TSBP1: variants seen among roughly 807,000 people sequenced by gnomAD.
The protein encoded by TSBP1 is testis expressed basic protein 1.
TSBP1 carries 56 observed loss-of-function variants against 68.8 expected under a neutral mutation model. The ratio of observed to expected loss-of-function variants is 0.81; its 90% CI spans 0.66 to 1.02. The LOEUF (loss-of-function observed/expected upper bound fraction) is 1.02. TSBP1 is among the 50% of genes least tolerant of loss of function. The pLI is 0.00. For synonymous variants in TSBP1, 171 were observed against 208.7 expected (o/e 0.82, Z 1.56); for missense variants, 502 against 641.2 (o/e 0.78, Z 2.34).
At chr6:32,310,761 A>AT (rs199706394) in intron 19 of TSBP1, among the ~76,000 whole-genome samples, 8 of 144,806 alleles carry the variant, frequency 5.5e-5, no homozygotes, top group South Asian at 2.2e-4. Context: ...ATATATATAT[A>AT]TTTTTAATCT....
rs765772224 is a variant in TSBP1, at chr6:32,338,988, C to CTGCA, written c.396_399dup (p.Gly134CysfsTer89). The CTGCA allele has an allele frequency of 7.6e-5, 122 of 1,611,776 alleles. No homozygotes were observed. Among genetic ancestry groups the CTGCA allele is most frequent in the Non-Finnish European group, 9.7e-5 (114 of 1,179,082 alleles). On this transcript the variant is annotated frameshift_variant, in exon 11 of 23. Coordinates refer to ENST00000612031, the Ensembl canonical transcript of TSBP1. LOFTEE classifies it high-confidence loss of function. The surrounding 1 kb of genome is among the most constrained non-coding windows in gnomAD (Gnocchi z 5.5). ...CAGAAAAAGAACTTACTCATGGCTC[C>CTGCA]TGCAGTTCTGGCTAAAATACAAACA...
chr6:32,297,384 AT>A (rs1378664783), intron 22 of TSBP1, among the ~76,000 whole-genome samples: 2 of 152,240 alleles, frequency 1.3e-5, no homozygotes, highest in African/African-American at 4.8e-5. Context: ...AATTATTAAA[AT>A]TTTTAAATTG....
intron 4 of TSBP1, 168 bp from the exon 5 acceptor site, chr6:32,366,470 A>T (rs1489447202): frequency 3.4e-5 from 26 of 770,154 alleles, no homozygotes; most frequent in Non-Finnish European, 5.6e-5. Flanking sequence ...TCATGAAAAA[A>T]TAAGTTTATC....
intron 8 of TSBP1, among the ~76,000 whole-genome samples, chr6:32,352,187 A>G (rs1277674281): frequency 6.6e-6 from 1 of 152,028 alleles, no homozygotes; most frequent in Admixed American, 6.5e-5. Context: ...AGCAAAAACA[A>G]TGCTGAAATA....
At chr6:32,369,352 T>C (rs1446912387) in intron 2 of TSBP1, among the ~76,000 whole-genome samples, 2 of 148,474 alleles carry the variant, frequency 1.3e-5, no homozygotes, top group African/African-American at 2.5e-5. Flanking sequence ...AATATTCTTA[T>C]TACTTTTGCT....
chr6:32,370,407 G>GTGTGTGTGTATA (rs1241237254), intron 1 of TSBP1, among the ~76,000 whole-genome samples: 1,786 of 130,560 alleles, frequency 0.014, 62 homozygotes, highest in South Asian at 0.096. Flanking sequence ...AAGATTTTCT[G>GTGTGTGTGTATA]TATATATATA....
chr6:32,293,811 T>A (rs1348480542), exon 23 of TSBP1: 5 of 1,613,074 alleles, frequency 3.1e-6, no homozygotes, highest in Non-Finnish European at 4.2e-6. Flanking sequence ...TCCATTCCTA[T>A]TTTGTCTTTC....
At chr6:32,366,500 A>G in intron 4 of TSBP1, 198 bp from the exon 5 acceptor site, 1 of 622,442 alleles carries the variant, frequency 1.6e-6, no homozygotes, top group East Asian at 3.1e-5. Flanking sequence ...GTGGTGGCTC[A>G]CGCCTATGTT....
intron 19 of TSBP1, among the ~76,000 whole-genome samples, chr6:32,312,678 T>C (rs1317797150): frequency 6.6e-6 from 1 of 152,192 alleles, no homozygotes; most frequent in Non-Finnish European, 1.5e-5. Context: ...CAATAAATAG[T>C]TTCATTCGTC....
rs1768084444 is a variant in TSBP1, at chr6:32,325,155, A to C, written c.515-1541T>G. On this transcript the variant is annotated intron_variant, in intron 16 of 22. Transcript: ENST00000612031. This position sits in a 1 kb window ranked among gnomAD's most constrained non-coding sequence, Gnocchi z 4.4. ...CTAGAAACTTATTAATAATTTATTT[A>C]TGCCTTTCTGCCCATGGATGCCATG... is the stretch of plus-strand genomic sequence containing the variant. The C allele has an allele frequency of 2.0e-6, 1 of 509,572 alleles. No homozygotes were observed. Among genetic ancestry groups the C allele is most frequent in the Non-Finnish European group, 3.4e-6 (1 of 291,044 alleles). The allele number at this position is 509,572 out of a possible 1,614,324, so 31.6% of individuals were successfully genotyped here.
intron 22 of TSBP1, among the ~76,000 whole-genome samples, chr6:32,299,356 A>G (rs1765049173): frequency 6.6e-6 from 1 of 152,246 alleles, no homozygotes. Flanking sequence ...AGTTATTTAG[A>G]AGGCAATAGA....
chr6:32,293,803 C>A, exon 23 of TSBP1: 2 of 1,613,042 alleles, frequency 1.2e-6, no homozygotes, highest in Non-Finnish European at 8.5e-7. Flanking sequence ...CCTTGACCTC[C>A]ATTCCTATTT....
At chr6:32,295,681 T>A (rs6910668) in intron 22 of TSBP1, among the ~76,000 whole-genome samples, 1 of 151,990 alleles carries the variant, frequency 6.6e-6, no homozygotes, top group Non-Finnish European at 1.5e-5. Context: ...ATAAAAGCAC[T>A]TGGTACAGTG....
At chr6:32,323,368 A>C (rs1297138998) in intron 17 of TSBP1, 1 of 698,510 alleles carries the variant, frequency 1.4e-6, no homozygotes, top group African/African-American at 1.8e-5. Flanking sequence ...GCACTTAAAT[A>C]GTTCTAGAGG....
At chr6:32,300,607 G>T in intron 21 of TSBP1, 73 bp downstream of exon 24, 1 of 1,340,334 alleles carries the variant, frequency 7.5e-7, no homozygotes, top group Non-Finnish European at 1.1e-6. Flanking sequence ...CGTAACACAA[G>T]AACATTTGGG....
intron 3 of TSBP1, 59 bp from the exon 4 acceptor site, chr6:32,368,016 T>A: frequency 1.5e-6 from 2 of 1,370,998 alleles, no homozygotes; most frequent in Non-Finnish European, 2.1e-6. Flanking sequence ...AGGCTTTATT[T>A]AAGACTCTGA....
chr6:32,358,804 C>T (rs965372078), intron 6 of TSBP1, among the ~76,000 whole-genome samples: 9 of 152,100 alleles, frequency 5.9e-5, no homozygotes, highest in South Asian at 2.1e-4. Context: ...TTTCTTAATC[C>T]GGTGTATCAT....
At chr6:32,300,049 C>CAACTTAGAAACAGGACTTGGAGGAAA in intron 21 of TSBP1, 113 bp from the exon 25 acceptor site, 1 of 838,998 alleles carries the variant, frequency 1.2e-6, no homozygotes, top group East Asian at 2.4e-5. Flanking sequence ...GGAGGGAGCA[C>CAACTTAGAAACAGGACTTGGAGGAAA]AAAACTCTGT....
In TSBP1 at chr6:32,297,004, G is replaced by A. The variant is rs139851507; in HGVS notation, c.637+2918C>T. ...TATTTGCTGTCATCTTTTAAATCTT[G>A]AATTTAATTAACATAGATTAGATTT... On this transcript the variant is annotated intron_variant, in intron 22 of 22. Coordinates refer to ENST00000612031, the Ensembl canonical transcript of TSBP1. Among the ~76,000 whole-genome samples, 754 of 152,022 alleles carry A rather than the reference G, an allele frequency of 5.0e-3. 7 individuals carry two copies. The highest frequency in any genetic ancestry group is 0.017 in the African/African-American group (705 of 41,452).
Sources: allele counts gnomAD v4.1 joint callset (sites outside exome capture counted in the v4.1 genomes callset), GRCh38; gene constraint gnomAD v4.1.1; non-coding constraint Gnocchi (gnomAD v3.1); transcripts MANE v1.5; gene names NCBI Gene and HGNC (gene_info 2026-07-23, HGNC 2026-07-21).